The following AGAP1 variants were observed in gnomAD, a reference collection of about 807,000 sequenced individuals.
AGAP1 encodes ArfGAP with GTPase domain, ankyrin repeat and PH domain 1.
Under a neutral mutation model 105.3 loss-of-function variants are expected in AGAP1, and 29 were observed. The observed-to-expected ratio is 0.28, with a 90% CI of 0.21 to 0.38. AGAP1 has a LOEUF of 0.38. AGAP1 is among the 10% of genes least tolerant of loss of function. The pLI, the probability that AGAP1 is intolerant of heterozygous loss-of-function variation, is 1.00. For synonymous variants in AGAP1, 509 were observed against 485.9 expected, an observed-to-expected ratio of 1.05 and a Z score of -0.63; for missense variants, 998 against 1,165.1, an observed-to-expected ratio of 0.86 and a Z score of 2.09.
Position 236,042,328 on chromosome 2 carries a change from C to T in AGAP1, c.1891+1487C>T, listed in dbSNP as rs2057575069. On this transcript the variant is annotated intron_variant, in intron 15 of 17. Coordinates refer to ENST00000304032, the MANE Select transcript of AGAP1 (RefSeq NM_001037131.3). The surrounding 1 kb of genome is among the most constrained non-coding windows in gnomAD (Gnocchi z 5.6). ...GGCAGGGGAGAGATCAAAAGTCTGTCTGCGGCCTCTCTGGAAGCCTGTCCT... is the reference window on the plus strand; with the variant it reads ...GGCAGGGGAGAGATCAAAAGTCTGTTTGCGGCCTCTCTGGAAGCCTGTCCT... Among the ~76,000 whole-genome samples the T allele has an allele frequency of 6.6e-6, 1 of 152,144 alleles. No individual in the cohort carries two copies. Among genetic ancestry groups the T allele is most frequent in the South Asian group, 2.1e-4 (1 of 4,820 alleles).
At chr2:235,810,637 AC>A (rs1353426865) in intron 9 of AGAP1, among the ~76,000 whole-genome samples, 2 of 151,928 alleles carry the variant, frequency 1.3e-5, no homozygotes, top group African/African-American at 4.8e-5. Flanking sequence ...GGCTCCCCCC[AC>A]CTCAGTGTGG....
At chr2:235,681,915 A>C in intron 1 of AGAP1, among the ~76,000 whole-genome samples, 1 of 139,940 alleles carries the variant, frequency 7.1e-6, no homozygotes, top group Non-Finnish European at 1.5e-5. Context: ...CAGTGGCACA[A>C]TCTCAGCTCA....
In AGAP1 at chr2:236,101,640, A is replaced by G. The variant is rs1174032159; in HGVS notation, c.2115-18552A>G. ...GGATCCGGAGCGGAGGAAAAGGGCC[A>G]TTTCTCTTCCCTTATCTGTTTATGA... On this transcript the variant is annotated intron_variant, in intron 16 of 17. Transcript: ENST00000304032. The surrounding 1 kb of genome is among the most constrained non-coding windows in gnomAD (Gnocchi z 4.9). Among the ~76,000 whole-genome samples the G allele has an allele frequency of 6.6e-6, 1 of 152,110 alleles. No individual in the cohort carries two copies. Among genetic ancestry groups the G allele is most frequent in the East Asian group, 1.9e-4 (1 of 5,172 alleles).
chr2:235,758,926 G>A (rs1352193168), intron 6 of AGAP1, among the ~76,000 whole-genome samples: 1 of 152,148 alleles, frequency 6.6e-6, no homozygotes, highest in Non-Finnish European at 1.5e-5. Flanking sequence ...CCAAGTTGCT[G>A]GGATTACAGG....
chr2:235,929,425 CA>C (rs906669911), intron 11 of AGAP1, among the ~76,000 whole-genome samples: 13 of 152,156 alleles, frequency 8.5e-5, no homozygotes, highest in African/African-American at 3.1e-4. Context: ...TGGAATCAAG[CA>C]GACCTGCCTA....
intron 1 of AGAP1, among the ~76,000 whole-genome samples, chr2:235,513,677 A>G (rs968642490): frequency 2.0e-5 from 3 of 152,042 alleles, no homozygotes; most frequent in African/African-American, 4.8e-5. Context: ...TTTGGGTACT[A>G]TGGCTTTGGG....
chr2:235,938,930 GAGATCTAGTCC>G (rs1420332795), intron 12 of AGAP1, among the ~76,000 whole-genome samples: 17 of 152,176 alleles, frequency 1.1e-4, no homozygotes, highest in African/African-American at 3.6e-4. Flanking sequence ...CCAGCCGCTA[GAGATCTAGTCC>G]ATTTGGCCTG....
chr2:235,932,449 T>A (rs912208945), intron 12 of AGAP1, among the ~76,000 whole-genome samples: 3 of 152,214 alleles, frequency 2.0e-5, no homozygotes, highest in African/African-American at 7.2e-5. Context: ...ATATGTATTA[T>A]CAATTAGTAT....
rs184034079 is a variant in AGAP1 at position 235,729,283 on chromosome 2, G to A, written c.310+11639G>A. ...CTAAGAAAAACTGATTCCCAGGTGTGTTTGGGCCGTCTAGAACCATGTGAC... is the reference window on the plus strand; with the variant it reads ...CTAAGAAAAACTGATTCCCAGGTGTATTTGGGCCGTCTAGAACCATGTGAC... On this transcript the variant is annotated intron_variant, in intron 3 of 17. Coordinates refer to ENST00000304032, the MANE Select transcript of AGAP1 (RefSeq NM_001037131.3). This position sits in a 1 kb window ranked among gnomAD's most constrained non-coding sequence, Gnocchi z 5.0. 1.8e-3 allele frequency among the ~76,000 whole-genome samples: 280 copies of A among 152,300 alleles called. 5 individuals are homozygous for A. Among genetic ancestry groups the A allele is most frequent in the Admixed American group, 0.017 (254 of 15,312 alleles).
intron 10 of AGAP1, among the ~76,000 whole-genome samples, chr2:235,903,552 G>A (rs145234365): frequency 6.6e-6 from 1 of 152,236 alleles, no homozygotes; most frequent in Non-Finnish European, 1.5e-5. Context: ...TATAGTAAGG[G>A]TATTTTTAGG....
intron 11 of AGAP1, among the ~76,000 whole-genome samples, chr2:235,922,884 C>T (rs1575787595): frequency 6.6e-6 from 1 of 152,254 alleles, no homozygotes; most frequent in Non-Finnish European, 1.5e-5. Flanking sequence ...TTCAAATCAA[C>T]TCTTCCACTT....
rs561054889 is a variant in AGAP1, at chr2:236,007,858, G to A, written c.1646-28703G>A. Among the ~76,000 whole-genome samples the A allele has an allele frequency of 7.6e-4, 116 of 152,372 alleles. 1 individual carries two copies. Among genetic ancestry groups the A allele is most frequent in the Middle Eastern group, 6.8e-3 (2 of 294 alleles). On this transcript the variant is annotated intron_variant, in intron 13 of 17. Coordinates refer to ENST00000304032, the MANE Select transcript of AGAP1 (RefSeq NM_001037131.3). ...AGAGCAGCGAGCCAGTCCTTGGAGA[G>A]GGGACGTGAGAAGGGGCAGAAGTCA...
intron 13 of AGAP1, among the ~76,000 whole-genome samples, chr2:236,007,875 C>T (rs2056376877): frequency 1.3e-5 from 2 of 152,236 alleles, no homozygotes; most frequent in African/African-American, 4.8e-5. Context: ...TGAGAAGGGG[C>T]AGAAGTCAGG....
intron 9 of AGAP1, among the ~76,000 whole-genome samples, chr2:235,848,678 A>G (rs1961804295): frequency 6.6e-6 from 1 of 152,190 alleles, no homozygotes. Context: ...TTGAAATGTA[A>G]ATCACACAGC....
At position 236,040,038 on chromosome 2, in the gene AGAP1, G is replaced by A. The variant is rs940889553; in HGVS notation, c.1801-713G>A. ...AGGCAGGAGGATCACTTGAGCCCAC[G>A]AGTTCAAGGCTGCAGTGAGCTATGA... On this transcript the variant is annotated intron_variant, in intron 14 of 17. Transcript: ENST00000304032. The surrounding 1 kb of genome is among the most constrained non-coding windows in gnomAD (Gnocchi z 5.6). Among the ~76,000 whole-genome samples, 4 of 152,026 alleles carry A rather than the reference G, an allele frequency of 2.6e-5. No individual in the cohort carries two copies. The highest frequency in any genetic ancestry group is 7.3e-5 in the African/African-American group (3 of 41,364).
rs1001126369 is a variant in AGAP1 at position 235,882,887 on chromosome 2, A to G, written c.1051-458A>G. On this transcript the variant is annotated intron_variant, in intron 9 of 17. Transcript: ENST00000304032. The surrounding 1 kb of genome is among the most constrained non-coding windows in gnomAD (Gnocchi z 4.6). ...GAGTACGGTGGTACAATCATAGCTC[A>G]CTGCCACCTCAACCTCCTGGGCTCA... Among the ~76,000 whole-genome samples, 2 of 151,858 alleles carry G rather than the reference A, an allele frequency of 1.3e-5. No individual in the cohort carries two copies. Among genetic ancestry groups the G allele is most frequent in the African/African-American group, 4.8e-5 (2 of 41,318 alleles).
At chr2:235,710,048 G>C (rs1950770554) in intron 2 of AGAP1, among the ~76,000 whole-genome samples, 4 of 152,200 alleles carry the variant, frequency 2.6e-5, no homozygotes. Flanking sequence ...GTGTGTGTAT[G>C]TATTTTCTAA....
At chr2:235,504,144 G>A (rs1478517784) in intron 1 of AGAP1, among the ~76,000 whole-genome samples, 2 of 151,614 alleles carry the variant, frequency 1.3e-5, no homozygotes, top group African/African-American at 2.4e-5. Context: ...GCCCAGCCTC[G>A]AACTCTCTTT....
At chr2:236,097,270 A>G (rs2059213565) in intron 16 of AGAP1, among the ~76,000 whole-genome samples, 1 of 151,900 alleles carries the variant, frequency 6.6e-6, no homozygotes, top group Admixed American at 6.6e-5. Flanking sequence ...GTGGGCTTGC[A>G]ACTTGAGAGA....
Sources: gnomAD v4.1 joint callset for allele counts (sites outside exome capture counted in the v4.1 genomes callset) on GRCh38, gnomAD v4.1.1 for gene constraint, Gnocchi (gnomAD v3.1) non-coding constraint, MANE v1.5 for transcripts, NCBI Gene and HGNC (gene_info 2026-07-23, HGNC 2026-07-21) for gene names.